Variants in SMAD2 observed in about 807,000 individuals in gnomAD.
SMAD2 encodes the protein SMAD family member 2.
A neutral mutation model predicts 64.4 loss-of-function variants in SMAD2; 8 were observed. The ratio of observed to expected loss-of-function variants is 0.12; its 90% CI spans 0.07 to 0.22. The LOEUF is 0.22. Ranked by LOEUF, SMAD2 falls within the 10% of genes least tolerant of loss-of-function variation. The probability of loss-of-function intolerance (pLI) is 1.00; values close to 1 mark genes in which losing one functional copy is unlikely to be tolerated. For synonymous variants in SMAD2, 203 were observed against 195.8 expected (o/e 1.04, Z -0.31); for missense variants, 289 against 561.2 (o/e 0.51, Z 4.90).
intron 1 of SMAD2, among the ~76,000 whole-genome samples, chr18:47,911,750 G>A (rs948797494): frequency 3.9e-5 from 6 of 152,182 alleles, no homozygotes; most frequent in East Asian, 1.9e-4. Flanking sequence ...TTAACAGCCC[G>A]GTTAAACTGT....
intron 7 of SMAD2, among the ~76,000 whole-genome samples, chr18:47,850,280 A>G (rs1282152263): frequency 1.6e-5 from 1 of 60,952 alleles, no homozygotes. Context: ...ATTATATATT[A>G]TATATATTAT....
At chr18:47,891,517 C>CT (rs5824713) in intron 2 of SMAD2, among the ~76,000 whole-genome samples, 81,846 of 146,074 alleles carry the variant, frequency 0.56, 22,950 homozygotes, top group East Asian at 0.8. Flanking sequence ...TTTTAAGTAA[C>CT]TTTTTTTTTT....
At chr18:47,890,341 A>G (rs1223338518) in intron 2 of SMAD2, among the ~76,000 whole-genome samples, 2 of 152,230 alleles carry the variant, frequency 1.3e-5, no homozygotes, top group East Asian at 1.9e-4. Flanking sequence ...TTATCAACAA[A>G]TTTTATACAT....
intron 10 of SMAD2, among the ~76,000 whole-genome samples, chr18:47,844,326 T>G (rs1211483454): frequency 6.6e-6 from 1 of 152,164 alleles, no homozygotes; most frequent in African/African-American, 2.4e-5. Flanking sequence ...ACTAAATTGC[T>G]GGAAGAAGCA....
intron 2 of SMAD2, among the ~76,000 whole-genome samples, chr18:47,881,469 CATTTG>C (rs2032584537): frequency 6.6e-6 from 1 of 152,180 alleles, no homozygotes; most frequent in East Asian, 1.9e-4. Flanking sequence ...TAAATTTACT[CATTTG>C]TTTTAGTGGC....
chr18:47,858,012 G>A (rs1456642738), intron 6 of SMAD2, among the ~76,000 whole-genome samples: 1 of 152,132 alleles, frequency 6.6e-6, no homozygotes, highest in African/African-American at 2.4e-5. Flanking sequence ...CTAAGGGCAG[G>A]GAAAGGATCA....
Position 47,858,360 on chromosome 18 carries a change from A to C in SMAD2, c.730+6699T>G, listed in dbSNP as rs140034042. 7.3e-3 allele frequency among the ~76,000 whole-genome samples: 1,113 copies of C among 152,298 alleles called. 9 individuals carry two copies. Among genetic ancestry groups the C allele is most frequent in the African/African-American group, 0.025 (1,050 of 41,574 alleles). On this transcript the variant is annotated intron_variant, in intron 6 of 10. Transcript: ENST00000262160. ...ACATACATATTATCACTTGATTTTC[A>C]ACAAAGGAGCCAATGTAAATCAATG...
At chr18:47,914,976 A>G (rs185909964) in intron 1 of SMAD2, among the ~76,000 whole-genome samples, 16 of 152,250 alleles carry the variant, frequency 1.1e-4, no homozygotes, top group African/African-American at 3.6e-4. Flanking sequence ...GATAAGTTGC[A>G]TATTTTCTCC....
intron 1 of SMAD2, among the ~76,000 whole-genome samples, chr18:47,916,144 A>G (rs796399304): frequency 2.6e-5 from 4 of 152,318 alleles, no homozygotes; most frequent in African/African-American, 7.2e-5. Context: ...TTTTGTTTTG[A>G]GTAAATACTA....
At chr18:47,845,227 G>A in intron 10 of SMAD2, 113 bp downstream of exon 10, 5 of 1,105,796 alleles carry the variant, frequency 4.5e-6, no homozygotes, top group Middle Eastern at 2.0e-4. Context: ...ATAAAGATCA[G>A]CTGACTCTAT....
intron 2 of SMAD2, among the ~76,000 whole-genome samples, chr18:47,887,766 A>C (rs572367168): frequency 1.3e-5 from 2 of 152,268 alleles, no homozygotes; most frequent in South Asian, 4.1e-4. Context: ...GATAGAAGTC[A>C]AGTACCAGTC....
rs530302587 is a variant in SMAD2, at chr18:47,821,760, T to C, written c.*20067A>G. ...ATCAAGATAAATTCTTGTGTTTAAG[T>C]TTTTTTTTTGCTTGGGAAAAATGAA... On this transcript the variant is annotated 3_prime_UTR_variant, in exon 11 of 11. Coordinates refer to ENST00000262160, the MANE Select transcript of SMAD2 (RefSeq NM_005901.6). 3 of 148,646 alleles carry C rather than the reference T, an allele frequency of 2.0e-5. No individual in the cohort carries two copies. The highest frequency in any genetic ancestry group is 3.0e-5 in the Non-Finnish European group (2 of 66,592). The allele number at this position is 148,646 out of a possible 1,614,324, so 9.2% of individuals were successfully genotyped here.
intron 2 of SMAD2, among the ~76,000 whole-genome samples, chr18:47,879,495 C>CGTGT (rs58440360): frequency 0.017 from 2,355 of 141,424 alleles, 52 homozygotes; most frequent in East Asian, 0.049. Context: ...ATGTATATGA[C>CGTGT]GTGTGTGTGT....
chr18:47,844,206 T>C (rs868096289), intron 10 of SMAD2, among the ~76,000 whole-genome samples: 1 of 152,312 alleles, frequency 6.6e-6, no homozygotes, highest in South Asian at 2.1e-4. Flanking sequence ...ATATACCATA[T>C]ATTTTTAAAT....
At chr18:47,857,525 C>A (rs2030816811) in intron 6 of SMAD2, among the ~76,000 whole-genome samples, 1 of 152,070 alleles carries the variant, frequency 6.6e-6, no homozygotes, top group East Asian at 1.9e-4. Flanking sequence ...TCTGAAATAG[C>A]AGTAAGAAAA....
At chr18:47,909,855 C>A (rs2034052233) in intron 1 of SMAD2, among the ~76,000 whole-genome samples, 1 of 152,106 alleles carries the variant, frequency 6.6e-6, no homozygotes. Flanking sequence ...CCAAATATGT[C>A]AAAGTGATCT....
At chr18:47,851,976 T>A (rs1221168010) in intron 6 of SMAD2, among the ~76,000 whole-genome samples, 3 of 152,162 alleles carry the variant, frequency 2.0e-5, no homozygotes, top group African/African-American at 4.8e-5. Context: ...TTCATCAAGG[T>A]TGTACCAGTT....
At position 47,898,581 on chromosome 18, in the gene SMAD2, T is replaced by C. The variant is rs543861807; in HGVS notation, c.-53-1772A>G. ...TTCATAGATTATATGCTAAGATTCA[T>C]TTCCAATGTACACAAACTGCATTCC... is the stretch of plus-strand genomic sequence containing the variant. On this transcript the variant is annotated intron_variant, in intron 1 of 10. Transcript: ENST00000262160. Among the ~76,000 whole-genome samples, 3 of 152,356 alleles carry C rather than the reference T, an allele frequency of 2.0e-5. No individual in the cohort carries two copies. In the East Asian group the frequency reaches 5.8e-4, roughly 29 times the overall value.
intron 1 of SMAD2, among the ~76,000 whole-genome samples, chr18:47,907,199 G>A (rs1051798854): frequency 5.8e-4 from 88 of 152,102 alleles, no homozygotes; most frequent in African/African-American, 2.1e-3. Context: ...AAATAAATAC[G>A]TATGTCCACA....
Sources: gnomAD v4.1 joint callset for allele counts (sites outside exome capture counted in the v4.1 genomes callset) on GRCh38, gnomAD v4.1.1 for gene constraint, MANE v1.5 for transcripts, NCBI Gene and HGNC (gene_info 2026-07-23, HGNC 2026-07-21) for gene names.